The following KDM3B variants were observed in gnomAD, a reference collection of about 807,000 sequenced individuals.
The protein encoded by KDM3B is lysine demethylase 3B.
A neutral mutation model predicts 170.0 loss-of-function variants in KDM3B; 10 were observed. That is an observed-to-expected ratio of 0.06 (90% CI 0.04 to 0.10). KDM3B has a LOEUF of 0.10. Ranked by LOEUF, KDM3B falls within the 10% of genes least tolerant of loss-of-function variation. KDM3B has a pLI of 1.00. For synonymous variants in KDM3B, 831 were observed against 834.8 expected, an observed-to-expected ratio of 1.00 and a Z score of 0.08; for missense variants, 1,394 against 2,195.2, an observed-to-expected ratio of 0.64 and a Z score of 7.29.
chr5:138,380,262 C>T (rs1044217123), intron 5 of KDM3B, among the ~76,000 whole-genome samples: 1 of 151,280 alleles, frequency 6.6e-6, no homozygotes. Flanking sequence ...GTTGGGATTA[C>T]AGGCATGAAC....
intron 1 of KDM3B, among the ~76,000 whole-genome samples, chr5:138,364,863 G>A (rs1291533317): frequency 6.6e-6 from 1 of 152,214 alleles, no homozygotes; most frequent in Non-Finnish European, 1.5e-5. Context: ...AGCACTATAT[G>A]TGCTGGAGTT....
At position 138,435,731 on chromosome 5, in the gene KDM3B, G is replaced by C; in HGVS notation, c.*31G>C. 3.2e-6 allele frequency: 5 copies of C among 1,557,438 alleles called. No homozygotes were observed. The South Asian group carries it at 5.7e-5, about 18-fold the overall frequency. The stretch of plus-strand genomic sequence containing the variant: ...GAGAAACTCCAAGCTCCTCTGTGAA[G>C]CAGGTCTTTCACTCACAACACTTAA... On this transcript the variant is annotated 3_prime_UTR_variant, in exon 24 of 24. Transcript: ENST00000314358.
At chr5:138,407,264 G>A (rs570399664) in intron 11 of KDM3B, among the ~76,000 whole-genome samples, 23 of 152,128 alleles carry the variant, frequency 1.5e-4, no homozygotes, top group Non-Finnish European at 2.6e-4. Flanking sequence ...GGGATTACAG[G>A]TGTGAGCCAC....
intron 8 of KDM3B, among the ~76,000 whole-genome samples, chr5:138,392,790 G>A (rs1762466675): frequency 6.6e-6 from 1 of 152,168 alleles, no homozygotes; most frequent in Non-Finnish European, 1.5e-5. Flanking sequence ...AAAGTCTCAT[G>A]GTAAAAGCAG....
At chr5:138,379,388 A>T (rs1169579384) in intron 4 of KDM3B, among the ~76,000 whole-genome samples, 196 bp from the exon 5 acceptor site, 1 of 152,186 alleles carries the variant, frequency 6.6e-6, no homozygotes, top group African/African-American at 2.4e-5. Flanking sequence ...TACAAAGACC[A>T]CTGGAAGAAA....
chr5:138,395,228 A>G (rs1169664313), intron 9 of KDM3B, among the ~76,000 whole-genome samples: 1 of 152,194 alleles, frequency 6.6e-6, no homozygotes, highest in Non-Finnish European at 1.5e-5. Flanking sequence ...ATAAATTTGG[A>G]TATCACCAGG....
intron 1 of KDM3B, among the ~76,000 whole-genome samples, chr5:138,360,163 CAT>C (rs760830771): frequency 2.0e-5 from 3 of 152,108 alleles, no homozygotes; most frequent in Non-Finnish European, 2.9e-5. Flanking sequence ...TATGGTCAAA[CAT>C]AGAATTTCAG....
At chr5:138,393,846 A>AT (rs1762490795) in intron 9 of KDM3B, among the ~76,000 whole-genome samples, 2 of 152,114 alleles carry the variant, frequency 1.3e-5, no homozygotes, top group Admixed American at 6.6e-5. Flanking sequence ...TTACCAAACA[A>AT]TATCTCTTTA....
chr5:138,362,548 G>GTA (rs1476038546), intron 1 of KDM3B, among the ~76,000 whole-genome samples: 1 of 68,812 alleles, frequency 1.5e-5, no homozygotes, highest in Non-Finnish European at 2.7e-5. Context: ...ACATATATGT[G>GTA]TATACACACA....
Position 138,408,246 on chromosome 5 carries a change from C to T in KDM3B, c.3200-6886C>T, listed in dbSNP as rs143851488. ...AATCCCTATGTAAATCAGACGCCGC[C>T]GCCTCAAGCCTGAGTAAAATCCAGC... On this transcript the variant is annotated intron_variant, in intron 11 of 23. Coordinates refer to ENST00000314358, the MANE Select transcript of KDM3B (RefSeq NM_016604.4). 5.3e-4 allele frequency among the ~76,000 whole-genome samples: 80 copies of T among 152,176 alleles called. 4 individuals carry two copies. The East Asian group carries it at 0.012, about 23-fold the overall frequency.
rs761559640 is a variant in KDM3B, at chr5:138,420,923, A to C, written c.3933A>C (p.Thr1311=). The C allele has an allele frequency of 6.2e-7, 1 of 1,614,076 alleles. No homozygotes were observed. Among genetic ancestry groups the C allele is most frequent in the Non-Finnish European group, 8.5e-7 (1 of 1,179,970 alleles). The part of the protein sequence containing the change: ...PGKLPQTPLD[T]GIPFPPVFST... ...AACTTCCTCAAACCCCCTTGGACAC[A>C]GGCATACCCTTTCCCCCGGTCTTCT... Residue 1311 remains threonine, a synonymous_variant, in exon 15 of 24, where the codon ACA becomes ACC. Transcript: ENST00000314358.
Position 138,402,081 on chromosome 5 carries a change from A to G in KDM3B, c.3199+2069A>G, listed in dbSNP as rs975913254. ...ATAGCTGGGACTGCAGGCATGTGCT[A>G]CCGTGCCCAGCTAATTTTTTTTGGT... On this transcript the variant is annotated intron_variant, in intron 11 of 23. Coordinates refer to ENST00000314358, the MANE Select transcript of KDM3B (RefSeq NM_016604.4). Among the ~76,000 whole-genome samples the G allele has an allele frequency of 2.6e-5, 4 of 152,092 alleles. No homozygotes were observed. In the South Asian group the frequency reaches 6.2e-4, roughly 24 times the overall value.
intron 22 of KDM3B, 151 bp from the exon 23 acceptor site, chr5:138,431,274 C>A: frequency 1.6e-6 from 1 of 628,718 alleles, no homozygotes; most frequent in Non-Finnish European, 2.5e-6. Context: ...TTTATTTATA[C>A]ATTTGCACTT....
chr5:138,391,778 A>G lies in KDM3B; in HGVS notation c.2146A>G (p.Ser716Gly), dbSNP rs2126951280. 9.3e-6 allele frequency: 15 copies of G among 1,614,062 alleles called. No individual in the cohort carries two copies. The highest frequency in any genetic ancestry group is 1.3e-5 in the Non-Finnish European group (15 of 1,180,008). Residue 716 changes from serine to glycine, a missense_variant, in exon 8 of 24, where the codon AGC becomes GGC. Ser to Gly is a moderately conservative substitution (Grantham distance 56). This residue lies in a region of KDM3B where 294 missense variants were observed against 311.7 expected (regional missense o/e 0.94). Coordinates refer to ENST00000314358, the MANE Select transcript of KDM3B (RefSeq NM_016604.4). This position sits in a 1 kb window ranked among gnomAD's most constrained non-coding sequence, Gnocchi z 5.0. ...LGSALTSGGPSLSAMGNGRSS... is the reference protein window; with the variant it reads ...LGSALTSGGPGLSAMGNGRSS... ...CTCAGCTCTTACCAGTGGGGGCCCA[A>G]GCCTCTCTGCCATGGGGAATGGCCG...
intron 11 of KDM3B, among the ~76,000 whole-genome samples, chr5:138,406,200 G>C (rs1762814962): frequency 6.6e-6 from 1 of 151,996 alleles, no homozygotes; most frequent in Admixed American, 6.6e-5. Context: ...TTAAAAATTA[G>C]CTGGGCGTGG....
intron 23 of KDM3B, among the ~76,000 whole-genome samples, chr5:138,433,129 T>TG (rs1763579699): frequency 6.7e-6 from 1 of 149,162 alleles, no homozygotes; most frequent in South Asian, 2.1e-4. Flanking sequence ...TTTTTTTTTT[T>TG]GAGACAGATT....
At position 138,364,033 on chromosome 5, in the gene KDM3B, C is replaced by CA. The variant is rs568145024; in HGVS notation, c.193-8640dup. Among the ~76,000 whole-genome samples the CA allele has an allele frequency of 1.5e-4, 23 of 151,894 alleles. No homozygotes were observed. In the South Asian group the frequency reaches 4.8e-3, roughly 32 times the overall value. On this transcript the variant is annotated intron_variant, in intron 1 of 23. Coordinates refer to ENST00000314358, the MANE Select transcript of KDM3B (RefSeq NM_016604.4). Reference sequence around the variant, plus strand: ...CCGACTTCAAGTCATTCTCCTTCCTCAGCCTCCCAAGTAGCTGGGATTACA... The same window carrying CA: ...CCGACTTCAAGTCATTCTCCTTCCTCAAGCCTCCCAAGTAGCTGGGATTACA...
intron 11 of KDM3B, among the ~76,000 whole-genome samples, chr5:138,402,638 A>C (rs1490951215): frequency 6.6e-6 from 1 of 152,204 alleles, no homozygotes; most frequent in Non-Finnish European, 1.5e-5. Flanking sequence ...ATTAACTGTC[A>C]CAGGAATTGC....
chr5:138,383,992 C>T (rs1466616496), intron 6 of KDM3B, among the ~76,000 whole-genome samples: 2 of 150,342 alleles, frequency 1.3e-5, no homozygotes, highest in Non-Finnish European at 3.0e-5. Flanking sequence ...CGCGGTGGCT[C>T]ACGCCTGTAA....
Sources: allele counts gnomAD v4.1 joint callset (sites outside exome capture counted in the v4.1 genomes callset), GRCh38; gene constraint gnomAD v4.1.1; regional missense constraint gnomAD v4.1.1; non-coding constraint Gnocchi (gnomAD v3.1); transcripts MANE v1.5; gene names NCBI Gene and HGNC (gene_info 2026-07-23, HGNC 2026-07-21).